Variants in EMCN observed in about 807,000 individuals in gnomAD.
The protein encoded by EMCN is MUC-14.
In EMCN, 37 loss-of-function variants were observed where a neutral mutation model predicts 38.4. That is an observed-to-expected ratio of 0.96 (90% CI 0.74 to 1.27). The LOEUF is 1.27. EMCN is among the 50% of genes most tolerant of loss of function. The pLI is 0.00. For synonymous variants in EMCN, 95 were observed against 100.8 expected (o/e 0.94, Z 0.35); for missense variants, 318 against 302.8 (o/e 1.05, Z -0.37).
chr4:100,452,191 T>C (rs1382859993), intron 4 of EMCN, among the ~76,000 whole-genome samples: 1 of 152,056 alleles, frequency 6.6e-6, no homozygotes, highest in African/African-American at 2.4e-5. Flanking sequence ...GCGTACTTGG[T>C]TATTATAAAA....
intron 5 of EMCN, among the ~76,000 whole-genome samples, chr4:100,440,276 G>GT (rs1239960325): frequency 6.6e-6 from 1 of 151,876 alleles, no homozygotes; most frequent in East Asian, 1.9e-4. Flanking sequence ...GGTACAAGTG[G>GT]TTTTTTTGTT....
chr4:100,439,780 C>G (rs1192458463), intron 5 of EMCN, among the ~76,000 whole-genome samples: 2 of 151,596 alleles, frequency 1.3e-5, no homozygotes, highest in Non-Finnish European at 2.9e-5. Flanking sequence ...AAACTTTTCT[C>G]TTTGAACTGC....
At chr4:100,416,338 A>C (rs952999554) in intron 9 of EMCN, among the ~76,000 whole-genome samples, 47 of 152,282 alleles carry the variant, frequency 3.1e-4, no homozygotes, top group African/African-American at 1.1e-3. Flanking sequence ...TATGGAGAGG[A>C]AGACATAGAA....
rs1398831514 is a variant in EMCN at position 100,441,771 on chromosome 4, T to C, written c.415+5762A>G. ...AATTCTGTTGCATACAAAAACTCTA[T>C]ACATTTACCTTTCCCCTCACAATTT... On this transcript the variant is annotated intron_variant, in intron 5 of 11. Coordinates refer to ENST00000296420, the MANE Select transcript of EMCN (RefSeq NM_016242.4). Among the ~76,000 whole-genome samples the C allele has an allele frequency of 3.3e-5, 5 of 152,194 alleles. 1 individual carries two copies. Among genetic ancestry groups the C allele is most frequent in the South Asian group, 4.1e-4 (2 of 4,838 alleles).
rs58028381 is a variant in EMCN at position 100,448,795 on chromosome 4, T to TTTTCTTTCTTTCCTTC, written c.377-1225_377-1224insGAAGGAAAGAAAGAAA. Reference sequence around the variant, plus strand: ...GCACAAGGCCCTTTCTGCCTTGAAGTCTTCCTTCCTTCCTTCCTTCCTTCC... The same window carrying TTTTCTTTCTTTCCTTC: ...GCACAAGGCCCTTTCTGCCTTGAAGTTTTCTTTCTTTCCTTCCTTCCTTCCTTCCTTCCTTCCTTCC... On this transcript the variant is annotated intron_variant, in intron 4 of 11. Transcript: ENST00000296420. Among the ~76,000 whole-genome samples the TTTTCTTTCTTTCCTTC allele has an allele frequency of 1.5e-3, 167 of 114,404 alleles. 4 individuals are homozygous for TTTTCTTTCTTTCCTTC. Among genetic ancestry groups the TTTTCTTTCTTTCCTTC allele is most frequent in the African/African-American group, 5.0e-3 (152 of 30,522 alleles). The allele number at this position is 114,404 out of a possible 152,430, so 75.1% of individuals were successfully genotyped here.
At chr4:100,480,807 ACTT>A (rs1015555063) in intron 1 of EMCN, among the ~76,000 whole-genome samples, 8 of 152,084 alleles carry the variant, frequency 5.3e-5, no homozygotes, top group African/African-American at 1.9e-4. Context: ...GATTCTTAAA[ACTT>A]CTATTGAAAC....
intron 4 of EMCN, among the ~76,000 whole-genome samples, chr4:100,462,211 C>T (rs184538220): frequency 4.6e-4 from 70 of 152,158 alleles, no homozygotes; most frequent in Non-Finnish European, 6.9e-4. Context: ...ACAGTAAATA[C>T]GCTTATTTCA....
chr4:100,495,000 G>A (rs1213864245), intron 1 of EMCN, among the ~76,000 whole-genome samples: 2 of 150,698 alleles, frequency 1.3e-5, no homozygotes, highest in Non-Finnish European at 3.0e-5. Flanking sequence ...TGTTGCTAAT[G>A]TGAATTTAAA....
chr4:100,400,764 A>G (rs1204228121), intron 11 of EMCN, among the ~76,000 whole-genome samples: 2 of 152,190 alleles, frequency 1.3e-5, no homozygotes, highest in African/African-American at 2.4e-5. Context: ...AAGATCAGCA[A>G]CCTAAATAAG....
At chr4:100,465,927 C>A (rs1474420120) in intron 3 of EMCN, among the ~76,000 whole-genome samples, 1 of 152,066 alleles carries the variant, frequency 6.6e-6, no homozygotes, top group African/African-American at 2.4e-5. Flanking sequence ...GTTAATCACT[C>A]AGCTGCCCTG....
intron 5 of EMCN, among the ~76,000 whole-genome samples, chr4:100,436,898 T>C (rs1053529971): frequency 6.6e-6 from 1 of 152,040 alleles, no homozygotes; most frequent in African/African-American, 2.4e-5. Context: ...GAGAGAGCAT[T>C]AGGAGTAGTG....
chr4:100,509,537 C>A (rs1729570188), intron 1 of EMCN, among the ~76,000 whole-genome samples: 1 of 152,112 alleles, frequency 6.6e-6, no homozygotes, highest in African/African-American at 2.4e-5. Flanking sequence ...CCTTTGTATC[C>A]TGGGGAGAGT....
intron 4 of EMCN, among the ~76,000 whole-genome samples, chr4:100,448,812 C>T (rs1410127654): frequency 7.0e-6 from 1 of 142,374 alleles, no homozygotes; most frequent in Non-Finnish European, 1.5e-5. Flanking sequence ...TCCTTCCTTC[C>T]TTCCTTCCTT....
intron 7 of EMCN, among the ~76,000 whole-genome samples, 199 bp downstream of exon 7, chr4:100,422,822 C>CTTTTTTTTTTTTTTT (rs71878999): frequency 8.2e-6 from 1 of 122,654 alleles, no homozygotes; most frequent in African/African-American, 2.7e-5. Context: ...TCTTTCTTTT[C>CTTTTTTTTTTTTTTT]TTTTTTTTTT....
rs1418736614 is a variant in EMCN, at chr4:100,397,527, A to T, written c.*886T>A. The stretch of plus-strand genomic sequence containing the variant: ...GAAATAAAAAATGCATGGAGATAAT[A>T]TCAATCAAATGAGTTAATGAAAAAT... On this transcript the variant is annotated 3_prime_UTR_variant, in exon 12 of 12. Coordinates refer to ENST00000296420, the MANE Select transcript of EMCN (RefSeq NM_016242.4). 1 of 152,218 alleles carries T rather than the reference A, an allele frequency of 6.6e-6. No individual in the cohort carries two copies. The highest frequency in any genetic ancestry group is 1.5e-5 in the Non-Finnish European group (1 of 68,028). 9.4% of individuals were successfully genotyped at this position (152,218 alleles called of 1,614,324 possible). A position where few individuals can be genotyped will look rare whatever the true frequency, so the allele number is the denominator to read the frequency against.
At chr4:100,442,876 G>A (rs962397611) in intron 5 of EMCN, among the ~76,000 whole-genome samples, 7 of 151,974 alleles carry the variant, frequency 4.6e-5, no homozygotes, top group Non-Finnish European at 8.8e-5. Flanking sequence ...CTGAGACAAA[G>A]TCTCACTCTG....
chr4:100,462,212 G>A (rs1263268184), intron 4 of EMCN, among the ~76,000 whole-genome samples: 1 of 152,078 alleles, frequency 6.6e-6, no homozygotes, highest in African/African-American at 2.4e-5. Context: ...CAGTAAATAC[G>A]CTTATTTCAT....
At chr4:100,412,925 C>T (rs183853880) in intron 10 of EMCN, among the ~76,000 whole-genome samples, 1 of 152,288 alleles carries the variant, frequency 6.6e-6, no homozygotes, top group African/African-American at 2.4e-5. Context: ...ACTCTCTTCC[C>T]TGGAGAAAAT....
intron 1 of EMCN, among the ~76,000 whole-genome samples, chr4:100,505,979 T>C (rs1449631673): frequency 6.6e-6 from 1 of 152,312 alleles, no homozygotes; most frequent in Middle Eastern, 3.4e-3. Flanking sequence ...AGGTTTCCAA[T>C]AGTTTCATCA....
Sources: gnomAD v4.1 joint callset for allele counts (sites outside exome capture counted in the v4.1 genomes callset) on GRCh38, gnomAD v4.1.1 for gene constraint, MANE v1.5 for transcripts, NCBI Gene and HGNC (gene_info 2026-07-23, HGNC 2026-07-21) for gene names.